Variants in ZPLD1 observed in about 807,000 individuals in gnomAD.
ZPLD1 encodes the protein zona pellucida-like domain-containing protein 1.
A neutral mutation model predicts 47.2 loss-of-function variants in ZPLD1; 34 were observed. The ratio of observed to expected loss-of-function variants is 0.72; its 90% CI spans 0.55 to 0.96. The LOEUF (loss-of-function observed/expected upper bound fraction) is 0.96. ZPLD1 is among the 40% of genes least tolerant of loss of function. ZPLD1 has a pLI of 0.00. For synonymous variants in ZPLD1, 176 were observed against 186.2 expected, an observed-to-expected ratio of 0.95 and a Z score of 0.45; for missense variants, 512 against 505.8, an observed-to-expected ratio of 1.01 and a Z score of -0.12.
At chr3:102,422,941 C>T (rs1411303691) in intron 8 of ZPLD1, among the ~76,000 whole-genome samples, 2 of 151,880 alleles carry the variant, frequency 1.3e-5, no homozygotes, top group Non-Finnish European at 2.9e-5. Context: ...GATTCATCAA[C>T]CTTGGTGTGA....
intron 8 of ZPLD1, among the ~76,000 whole-genome samples, chr3:102,424,625 G>A (rs1290831156): frequency 1.3e-5 from 2 of 151,434 alleles, no homozygotes; most frequent in African/African-American, 4.9e-5. Context: ...CCATGTTGCT[G>A]TCTTGTTCTA....
intron 2 of ZPLD1, among the ~76,000 whole-genome samples, chr3:102,437,983 C>CT (rs1421477427): frequency 1.3e-5 from 2 of 152,096 alleles, no homozygotes; most frequent in Non-Finnish European, 2.9e-5. Context: ...TTGGGGGAGA[C>CT]TTTTTTCTGT....
intron 7 of ZPLD1, among the ~76,000 whole-genome samples, chr3:102,399,426 C>T (rs1706594642): frequency 6.6e-6 from 1 of 152,060 alleles, no homozygotes; most frequent in Non-Finnish European, 1.5e-5. Flanking sequence ...ATCTTGTCTA[C>T]AGAGTTTTGC....
chr3:102,415,115 A>C (rs1706790357), intron 7 of ZPLD1, among the ~76,000 whole-genome samples: 1 of 151,826 alleles, frequency 6.6e-6, no homozygotes, highest in African/African-American at 2.4e-5. Context: ...TGTTCTTATA[A>C]TTCGTCTACA....
chr3:102,462,868 G>A (rs1322587624), intron 7 of ZPLD1, among the ~76,000 whole-genome samples: 12 of 152,022 alleles, frequency 7.9e-5, no homozygotes, highest in South Asian at 4.1e-4. Flanking sequence ...AAAATTCAGA[G>A]CAATCAAACT....
Position 102,456,394 on chromosome 3 carries a change from C to T in ZPLD1, c.509+20C>T. 1 of 1,603,210 alleles carries T rather than the reference C, an allele frequency of 6.2e-7. No individual in the cohort carries two copies. The highest frequency in any genetic ancestry group is 8.5e-7 in the Non-Finnish European group (1 of 1,174,364). Reference sequence around the variant, plus strand: ...TGCTTCGTAAGTTTGCATTTTATTCCTGCTTTCTCATATTGCATTTTTGCT... The same window carrying T: ...TGCTTCGTAAGTTTGCATTTTATTCTTGCTTTCTCATATTGCATTTTTGCT... On this transcript the variant is annotated intron_variant, in intron 5 of 11. Transcript: ENST00000466937.
chr3:102,427,383 T>G (rs1706961446), intron 8 of ZPLD1, among the ~76,000 whole-genome samples: 1 of 152,166 alleles, frequency 6.6e-6, no homozygotes. Context: ...GCTGATTTTA[T>G]CTCTTATACA....
rs1332404623 is a variant in ZPLD1, at chr3:102,456,366, G to A, written c.501G>A (p.Gln167=). ...YPLEYLVNNT[Q]LASSSAAISV... ...TGGAATACCTGGTTAATAATACCCA[G>A]CTTGCTTCGTAAGTTTGCATTTTAT... The change falls in exon 5 of 12, where the codon CAG becomes CAA. Residue 167 remains glutamine, a synonymous_variant. Transcript: ENST00000466937. 8.1e-6 allele frequency: 13 copies of A among 1,607,548 alleles called. No individual in the cohort carries two copies. The highest frequency in any genetic ancestry group is 1.1e-5 in the Non-Finnish European group (13 of 1,177,584).
intron 6 of ZPLD1, among the ~76,000 whole-genome samples, chr3:102,390,591 T>G (rs1706484090): frequency 6.6e-6 from 1 of 152,204 alleles, no homozygotes; most frequent in South Asian, 2.1e-4. Context: ...TGTCAGTTCC[T>G]CTACAGAACA....
At chr3:102,432,043 C>T (rs1403591345), upstream of ZPLD1, among the ~76,000 whole-genome samples, 3 of 152,204 alleles carry the variant, frequency 2.0e-5, no homozygotes, top group Non-Finnish European at 4.4e-5. Context: ...CTTTAGTGCC[C>T]GTTTACCTAG....
At chr3:102,404,535 A>G (rs914021871) in intron 7 of ZPLD1, among the ~76,000 whole-genome samples, 10 of 152,110 alleles carry the variant, frequency 6.6e-5, no homozygotes, top group Middle Eastern at 6.8e-3. Flanking sequence ...GTTTCGGGTG[A>G]GAGTCAGTGA....
intron 7 of ZPLD1, among the ~76,000 whole-genome samples, chr3:102,407,184 A>T (rs1437085681): frequency 6.6e-6 from 1 of 151,270 alleles, no homozygotes; most frequent in East Asian, 2.0e-4. Flanking sequence ...CAGGGGTTTA[A>T]CTGCATTATT....
intron 7 of ZPLD1, among the ~76,000 whole-genome samples, chr3:102,398,835 T>C (rs1706586397): frequency 6.6e-6 from 1 of 152,162 alleles, no homozygotes; most frequent in African/African-American, 2.4e-5. Flanking sequence ...CACATGCATA[T>C]TTATACTGCT....
At chr3:102,414,373 G>T (rs564694840) in intron 7 of ZPLD1, among the ~76,000 whole-genome samples, 174 of 151,846 alleles carry the variant, frequency 1.1e-3, no homozygotes, top group African/African-American at 4.0e-3. Context: ...ACAAAGATTT[G>T]CTGGAAATAC....
At chr3:102,399,181 C>T (rs966274526) in intron 7 of ZPLD1, among the ~76,000 whole-genome samples, 1 of 152,110 alleles carries the variant, frequency 6.6e-6, no homozygotes, top group Non-Finnish European at 1.5e-5. Flanking sequence ...TGCTGTTACA[C>T]CTGTATACTT....
In ZPLD1 at chr3:102,435,751, T is replaced by C. The variant is rs1350718272; in HGVS notation, c.-123+597T>C. Among the ~76,000 whole-genome samples, 10 of 151,078 alleles carry C rather than the reference T, an allele frequency of 6.6e-5. 1 individual carries two copies. Among genetic ancestry groups the C allele is most frequent in the African/African-American group, 1.2e-4 (5 of 41,084 alleles). On this transcript the variant is annotated intron_variant, in intron 1 of 11. Coordinates refer to ENST00000466937, the MANE Select transcript of ZPLD1 (RefSeq NM_001329788.2). ...TCCGCCTCCTGGGTTCACCCCATTC[T>C]CCTGCCTCAGCCTCCCGAGTAGCTG...
At chr3:102,454,079 T>G (rs1707376999) in intron 4 of ZPLD1, among the ~76,000 whole-genome samples, 1 of 152,202 alleles carries the variant, frequency 6.6e-6, no homozygotes, top group African/African-American at 2.4e-5. Context: ...TCACAAATTA[T>G]TATTTTGTAT....
At chr3:102,430,149 A>C (rs892881768), upstream of ZPLD1, among the ~76,000 whole-genome samples, 20 of 152,142 alleles carry the variant, frequency 1.3e-4, no homozygotes, top group African/African-American at 4.3e-4. Flanking sequence ...CTAGCTCAGG[A>C]TGATGGACTT....
chr3:102,471,842 A>C (rs545324550), intron 10 of ZPLD1, among the ~76,000 whole-genome samples: 97 of 152,354 alleles, frequency 6.4e-4, no homozygotes, highest in Non-Finnish European at 1.1e-3. Flanking sequence ...TAAAAGTTTT[A>C]AGATTTTTTC....
Sources: allele counts gnomAD v4.1 joint callset (sites outside exome capture counted in the v4.1 genomes callset), GRCh38; gene constraint gnomAD v4.1.1; transcripts MANE v1.5; gene names NCBI Gene and HGNC (gene_info 2026-07-23, HGNC 2026-07-21).